Variants in GOLGA4 observed in about 807,000 individuals in gnomAD.
The protein encoded by GOLGA4 is golgin subfamily A member 4.
Under a neutral mutation model 265.9 loss-of-function variants are expected in GOLGA4, and 169 were observed. That is an observed-to-expected ratio of 0.64 (90% confidence interval 0.56 to 0.72). The LOEUF (loss-of-function observed/expected upper bound fraction) is 0.72, where lower values mean the gene tolerates loss of function less well. Among genes scored for constraint, GOLGA4 ranks in the 30% least tolerant of loss-of-function variants. GOLGA4 has a pLI of 0.00. For missense variants in GOLGA4, 2,482 were observed against 2,483.4 expected, an observed-to-expected ratio of 1.00 and a Z score of 0.01; for synonymous variants, 923 against 855.8, an observed-to-expected ratio of 1.08 and a Z score of -1.37.
chr3:37,289,170 G>A (rs2096858309), intron 4 of GOLGA4, 65 bp from the exon 5 acceptor site: 1 of 832,290 alleles, frequency 1.2e-6, no homozygotes, highest in Non-Finnish European at 2.0e-6. Context: ...TTTTTGACTT[G>A]CTTTGTATTT....
chr3:37,291,139 T>G (rs1027786974), intron 5 of GOLGA4, among the ~76,000 whole-genome samples: 1 of 152,266 alleles, frequency 6.6e-6, no homozygotes. Flanking sequence ...CATTAGAGGT[T>G]AGGCATCAGG....
At chr3:37,354,224 T>C (rs2097083872) in intron 21 of GOLGA4, among the ~76,000 whole-genome samples, 2 of 152,060 alleles carry the variant, frequency 1.3e-5, no homozygotes, top group Non-Finnish European at 2.9e-5. Context: ...TTCCCCCATA[T>C]GCAAAGTCTA....
intron 2 of GOLGA4, among the ~76,000 whole-genome samples, chr3:37,280,040 T>G (rs2150760251): frequency 6.6e-6 from 1 of 152,314 alleles, no homozygotes; most frequent in South Asian, 2.1e-4. Context: ...AGAGTAACCG[T>G]TCAATCAAAA....
At chr3:37,251,272 G>A (rs1426576958) in intron 1 of GOLGA4, 123 bp from the exon 2 acceptor site, 3 of 615,536 alleles carry the variant, frequency 4.9e-6, no homozygotes, top group African/African-American at 3.7e-5. Flanking sequence ...TGCTTTTCGT[G>A]TTTTTGCTCT....
At chr3:37,285,620 A>G (rs2096846391) in intron 3 of GOLGA4, among the ~76,000 whole-genome samples, 3 of 152,202 alleles carry the variant, frequency 2.0e-5, no homozygotes, top group Non-Finnish European at 4.4e-5. Context: ...CCCAAGTCTC[A>G]AATTCAGTTA....
intron 10 of GOLGA4, among the ~76,000 whole-genome samples, chr3:37,308,031 C>T (rs986883838): frequency 6.6e-5 from 10 of 151,990 alleles, no homozygotes; most frequent in Non-Finnish European, 8.8e-5. Flanking sequence ...GTCAGGAGTT[C>T]AAGACCAGCC....
chr3:37,308,269 C>T (rs968700146), intron 10 of GOLGA4, among the ~76,000 whole-genome samples: 1 of 150,764 alleles, frequency 6.6e-6, no homozygotes. Flanking sequence ...AAAGAAAATT[C>T]GGATAAATTG....
intron 1 of GOLGA4, among the ~76,000 whole-genome samples, chr3:37,246,988 A>AC (rs1193502944): frequency 6.6e-6 from 1 of 152,226 alleles, no homozygotes; most frequent in African/African-American, 2.4e-5. Flanking sequence ...TTCTGAAGGG[A>AC]CATAGCCTTA....
At chr3:37,322,316 C>T (rs1408394551) in intron 13 of GOLGA4, among the ~76,000 whole-genome samples, 2 of 152,136 alleles carry the variant, frequency 1.3e-5, no homozygotes, top group African/African-American at 2.4e-5. Flanking sequence ...GTGGCTTTTG[C>T]ATTTGGTTTC....
chr3:37,293,304 G>T (rs1033705510), intron 5 of GOLGA4, among the ~76,000 whole-genome samples: 1 of 151,020 alleles, frequency 6.6e-6, no homozygotes, highest in Non-Finnish European at 1.5e-5. Context: ...TTTTTCTTGT[G>T]ATTTTTTTTT....
chr3:37,313,134 C>T (rs2096927529), intron 10 of GOLGA4, among the ~76,000 whole-genome samples: 1 of 151,700 alleles, frequency 6.6e-6, no homozygotes, highest in South Asian at 2.1e-4. Flanking sequence ...ACCTGGGAGG[C>T]GGAGGTTGCA....
At position 37,266,684 on chromosome 3, in the gene GOLGA4, G is replaced by A. The variant is rs556470557; in HGVS notation, c.162+15200G>A. 4.6e-5 allele frequency among the ~76,000 whole-genome samples: 7 copies of A among 152,282 alleles called. No individual in the cohort carries two copies. The South Asian group carries it at 1.5e-3, about 32-fold the overall frequency. On this transcript the variant is annotated intron_variant, in intron 2 of 23. Transcript: ENST00000361924. ...TTCCAGCAGCTTATTATTTCTGTGGGTGAGATGGTGGTGGTGGTGGTGGTG... is the reference window on the plus strand; with the variant it reads ...TTCCAGCAGCTTATTATTTCTGTGGATGAGATGGTGGTGGTGGTGGTGGTG...
Position 37,251,425 on chromosome 3 carries a change from A to G in GOLGA4, c.103A>G (p.Met35Val). 1 of 1,613,174 alleles carries G rather than the reference A, an allele frequency of 6.2e-7. No individual in the cohort carries two copies. Among genetic ancestry groups the G allele is most frequent in the East Asian group, 2.2e-5 (1 of 44,860 alleles). ...CTCCAATTCTTCAACACCAACAAGA[A>G]TGAGGAGCAGGACATCTTCATTTAC... is the stretch of plus-strand genomic sequence containing the variant. ...ASSNSSTPTR[M>V]RSRTSSFTEQ... Residue 35 changes from methionine (M) to valine (V), a missense_variant, in exon 2 of 24, where the codon ATG becomes GTG. Physicochemically the swap from Met to Val is conservative, Grantham distance 21 (BLOSUM62 1). Around this residue, in one of 3 missense-constraint regions of GOLGA4, gnomAD observed 1,536 missense variants for 1,483.7 expected, o/e 1.04. Coordinates refer to ENST00000361924, the MANE Select transcript of GOLGA4 (RefSeq NM_002078.5).
At chr3:37,274,891 A>G (rs572578198) in intron 2 of GOLGA4, among the ~76,000 whole-genome samples, 14 of 152,162 alleles carry the variant, frequency 9.2e-5, no homozygotes, top group African/African-American at 2.9e-4. Context: ...ACTAAATTAC[A>G]TAGACAAAAC....
chr3:37,336,566 G>C (rs922557830), intron 17 of GOLGA4, among the ~76,000 whole-genome samples: 1 of 150,866 alleles, frequency 6.6e-6, no homozygotes, highest in Non-Finnish European at 1.5e-5. Context: ...TTCGAGACCA[G>C]CCTGACCAAC....
chr3:37,298,893 A>C lies in GOLGA4; in HGVS notation c.875A>C (p.Glu292Ala). The C allele has an allele frequency of 6.2e-7, 1 of 1,613,812 alleles. No individual in the cohort carries two copies. Among genetic ancestry groups the C allele is most frequent in the East Asian group, 2.2e-5 (1 of 44,872 alleles). ...ETLQQRVKRQ[E>A]NLLKRCKETI... ...CTCCAGCAAAGAGTGAAGCGTCAAGAGAACCTACTTAAGCGTTGTAAGGAA... is the reference window on the plus strand; with the variant it reads ...CTCCAGCAAAGAGTGAAGCGTCAAGCGAACCTACTTAAGCGTTGTAAGGAA... The change falls in exon 8 of 24, where the codon GAG (glutamate) becomes GCG (alanine). Residue 292 changes from glutamate to alanine, a missense_variant. Around this residue, in one of 3 missense-constraint regions of GOLGA4, gnomAD observed 1,536 missense variants for 1,483.7 expected, o/e 1.04. Transcript: ENST00000361924.
chr3:37,258,014 T>C lies in GOLGA4; in HGVS notation c.162+6530T>C, dbSNP rs1211951562. Among the ~76,000 whole-genome samples, 11 of 57,816 alleles carry C rather than the reference T, an allele frequency of 1.9e-4. No individual in the cohort carries two copies. In the South Asian group the frequency reaches 2.6e-3, roughly 14 times the overall value. 37.9% of individuals were successfully genotyped at this position (57,816 alleles called of 152,430 possible). ...GTATATATGTATATATACATACATA[T>C]ATATATGTATGTATATATGTATATA... is the stretch of plus-strand genomic sequence containing the variant. On this transcript the variant is annotated intron_variant, in intron 2 of 23. Transcript: ENST00000361924.
chr3:37,286,185 C>T (rs561009434), intron 4 of GOLGA4, 124 bp downstream of exon 4: 16 of 487,142 alleles, frequency 3.3e-5, no homozygotes, highest in African/African-American at 7.6e-5. Context: ...CTCGCTCTGT[C>T]GCCCAGGCTG....
chr3:37,271,641 G>A (rs543338404), intron 2 of GOLGA4, among the ~76,000 whole-genome samples: 1 of 152,130 alleles, frequency 6.6e-6, no homozygotes, highest in African/African-American at 2.4e-5. Flanking sequence ...TACTTGTGCA[G>A]CTCCCCCTGG....
Sources: gnomAD v4.1 joint callset for allele counts (sites outside exome capture counted in the v4.1 genomes callset) on GRCh38, gnomAD v4.1.1 for gene constraint, gnomAD v4.1.1 regional missense constraint, MANE v1.5 for transcripts, NCBI Gene and HGNC (gene_info 2026-07-23, HGNC 2026-07-21) for gene names.